The following AGBL5 variants were observed in gnomAD, a reference collection of about 807,000 sequenced individuals.
AGBL5 encodes AGBL carboxypeptidase 5.
In AGBL5, 51 loss-of-function variants were observed where a neutral mutation model predicts 88.0. The ratio of observed to expected loss-of-function variants is 0.58; its 90% CI spans 0.46 to 0.73. AGBL5 has a LOEUF of 0.73. Among genes scored for constraint, AGBL5 ranks in the 30% least tolerant of loss-of-function variants. The pLI is 0.00. For synonymous variants in AGBL5, 446 were observed against 438.8 expected, an observed-to-expected ratio of 1.02 and a Z score of -0.21; for missense variants, 1,031 against 1,162.2, an observed-to-expected ratio of 0.89 and a Z score of 1.64.
rs1364053279 is a variant in AGBL5, at chr2:27,056,699, A to G, written c.1442A>G (p.Glu481Gly). The G allele has an allele frequency of 6.2e-7, 1 of 1,613,850 alleles. No individual in the cohort carries two copies. Among genetic ancestry groups the G allele is most frequent in the East Asian group, 2.2e-5 (1 of 44,870 alleles). ...HFDFQGCNFS[E>G]KNMYARDRRD... ...GACTTCCAGGGCTGCAATTTCTCAG[A>G]GAAGAATATGTATGCCCGAGACCGT... The change falls in exon 8 of 15, where the codon GAG becomes GGG. Residue 481 changes from glutamate to glycine, a missense_variant. Physicochemically the swap from Glu to Gly is moderately conservative, Grantham distance 98. This residue lies in a region of AGBL5 where 540 missense variants were observed against 678.2 expected (regional missense o/e 0.80). Transcript: ENST00000360131.
At chr2:27,056,833 C>T (rs1394003129) in intron 8 of AGBL5, 41 bp downstream of exon 8, 12 of 1,557,354 alleles carry the variant, frequency 7.7e-6, no homozygotes, top group East Asian at 2.3e-5. Flanking sequence ...AATAGCTTCC[C>T]TAAAGAAAAC....
chr2:27,065,212 C>A (rs556249240), intron 11 of AGBL5, among the ~76,000 whole-genome samples: 1 of 152,168 alleles, frequency 6.6e-6, no homozygotes, highest in Non-Finnish European at 1.5e-5. Flanking sequence ...GAATTCAGTT[C>A]TATGAAAAGT....
rs769117230 is a variant in AGBL5, at chr2:27,058,390, T to C, written c.1672-10T>C. Reference sequence around the variant, plus strand: ...ACCAGCATGCTGAGCCAAACTGGACTACCCCACAGGTGGGACGAGCTATGG... The same window carrying C: ...ACCAGCATGCTGAGCCAAACTGGACCACCCCACAGGTGGGACGAGCTATGG... On this transcript the variant is annotated splice_polypyrimidine_tract_variant and intron_variant, in intron 9 of 14. Coordinates refer to ENST00000360131, the MANE Select transcript of AGBL5 (RefSeq NM_021831.6). 4 of 1,612,454 alleles carry C rather than the reference T, an allele frequency of 2.5e-6. No homozygotes were observed. The highest frequency in any genetic ancestry group is 1.1e-5 in the South Asian group (1 of 90,998).
chr2:27,059,551 A>G (rs936299141), intron 11 of AGBL5, 147 bp downstream of exon 11: 31 of 1,509,726 alleles, frequency 2.1e-5, no homozygotes, highest in Non-Finnish European at 2.6e-5. Context: ...GGCCTCTCCT[A>G]CGACCTTGGT....
In AGBL5 at chr2:27,056,265, C is replaced by T. The variant is rs1403486780; in HGVS notation, c.1365+127C>T. 10 of 1,004,836 alleles carry T rather than the reference C, an allele frequency of 1.0e-5. No individual in the cohort carries two copies. In the Admixed American group the frequency reaches 2.4e-4, roughly 24 times the overall value. The allele number at this position is 1,004,836 out of a possible 1,614,324, so 62.2% of individuals were successfully genotyped here. A position where few individuals can be genotyped will look rare whatever the true frequency, so the allele number is the denominator to read the frequency against. Reference sequence around the variant, plus strand: ...GAAGGAAGGCCTGTGTAGACTACCTCTGAAAAAGCTTTGAAGGGCCAAGAA... The same window carrying T: ...GAAGGAAGGCCTGTGTAGACTACCTTTGAAAAAGCTTTGAAGGGCCAAGAA... On this transcript the variant is annotated intron_variant, in intron 7 of 14. Coordinates refer to ENST00000360131, the MANE Select transcript of AGBL5 (RefSeq NM_021831.6).
chr2:27,064,301 T>TC (rs1421914104), intron 11 of AGBL5, among the ~76,000 whole-genome samples: 4 of 145,958 alleles, frequency 2.7e-5, no homozygotes, highest in Non-Finnish European at 6.1e-5. Context: ...GTTTTTGACT[T>TC]TTTTTTTTTT....
At chr2:27,061,088 A>T (rs1280556782) in intron 11 of AGBL5, 1 of 152,032 alleles carries the variant, frequency 6.6e-6, no homozygotes, top group East Asian at 1.9e-4. Context: ...TTTGAGACAG[A>T]GTTTCACTCT....
chr2:27,058,072 C>T (rs971769880), intron 9 of AGBL5, among the ~76,000 whole-genome samples: 21 of 149,572 alleles, frequency 1.4e-4, no homozygotes, highest in African/African-American at 4.7e-4. Flanking sequence ...ATCAAGATGC[C>T]GTCTCAAAAA....
chr2:27,056,308 T>C (rs1258397561), intron 7 of AGBL5, 170 bp downstream of exon 7: 1 of 670,614 alleles, frequency 1.5e-6, no homozygotes, highest in Non-Finnish European at 2.5e-6. Context: ...CACAGGGGGA[T>C]AATGTCTCAA....
At chr2:27,052,234 G>C (rs1668194480) in intron 1 of AGBL5, 1 of 152,536 alleles carries the variant, frequency 6.6e-6, no homozygotes, top group South Asian at 2.1e-4. Context: ...GATGGAAACA[G>C]ACCCATGCCC....
chr2:27,052,173 A>G (rs1668188587), intron 1 of AGBL5: 1 of 152,176 alleles, frequency 6.6e-6, no homozygotes, highest in African/African-American at 2.4e-5. Flanking sequence ...TTACTCATCC[A>G]CAGCTACTAG....
rs1223937298 is a variant in AGBL5 at position 27,070,586 on chromosome 2, A to G, written c.*323A>G. 1 of 262,632 alleles carries G rather than the reference A, an allele frequency of 3.8e-6. No individual in the cohort carries two copies. The highest frequency in any genetic ancestry group is 7.3e-6 in the Non-Finnish European group (1 of 137,172). 16.3% of individuals were successfully genotyped at this position (262,632 alleles called of 1,614,324 possible). ...GCTTCTTGTTCCATAGGATTAAGGA[A>G]GACTCTGAGGAAATAAAAGTTGTTT... On this transcript the variant is annotated 3_prime_UTR_variant, in exon 15 of 15. Coordinates refer to ENST00000360131, the MANE Select transcript of AGBL5 (RefSeq NM_021831.6).
intron 9 of AGBL5, 36 bp from the exon 10 acceptor site, chr2:27,058,364 G>C (rs1332032488): frequency 6.2e-7 from 1 of 1,610,924 alleles, no homozygotes; most frequent in Non-Finnish European, 8.5e-7. Context: ...TGGATGGGAG[G>C]ACCAGCATGC....
At position 27,070,150 on chromosome 2, in the gene AGBL5, TG is replaced by T. The variant is rs1464562853; in HGVS notation, c.2549del (p.Cys850LeufsTer31). The T allele has an allele frequency of 6.2e-7, 1 of 1,614,218 alleles. No individual in the cohort carries two copies. Among genetic ancestry groups the T allele is most frequent in the African/African-American group, 1.3e-5 (1 of 75,056 alleles). ...RSAPAFSPISCSLSDSPSWNC... is the reference protein window; with the variant it reads ...RSAPAFSPISXSLSDSPSWNC... ...TGCCCCTGCCTTTTCTCCTATATCCTGTAGTCTATCTGACTCCCCATCCTGG... is the reference window on the plus strand; with the variant it reads ...TGCCCCTGCCTTTTCTCCTATATCCTTAGTCTATCTGACTCCCCATCCTGG... On this transcript the variant is annotated frameshift_variant, in exon 15 of 15. Coordinates refer to ENST00000360131, the MANE Select transcript of AGBL5 (RefSeq NM_021831.6). LOFTEE classifies it high-confidence loss of function.
Position 27,055,181 on chromosome 2 carries a change from C to A in AGBL5, c.836C>A (p.Thr279Asn), listed in dbSNP as rs1572815553. ...CGACCTGATGATCCCCGGGCCCAAA[C>A]CCTCCGTCGCCTCTTCGTCTTTAAG... ...ILRPDDPRAQ[T>N]LRRLFVFKLI... The change falls in exon 6 of 15, where the codon ACC becomes AAC. Residue 279 changes from threonine (T) to asparagine (N), a missense_variant. Transcript: ENST00000360131. The A allele has an allele frequency of 6.2e-7, 1 of 1,614,222 alleles. No homozygotes were observed. Among genetic ancestry groups the A allele is most frequent in the East Asian group, 2.2e-5 (1 of 44,888 alleles).
chr2:27,054,717 CCATGGGCTT>C lies in AGBL5; in HGVS notation c.641_649del (p.His214_Leu216del). 2.0e-6 allele frequency: 3 copies of C among 1,537,634 alleles called. No homozygotes were observed. The highest frequency in any genetic ancestry group is 2.6e-6 in the Non-Finnish European group (3 of 1,140,314). Reference sequence around the variant, plus strand: ...TAGATCTGCTGACGATCACTTCCTGCCATGGGCTTCGAGAAGATCGAGAGCCCCGTCTAG... The same window carrying C: ...TAGATCTGCTGACGATCACTTCCTGCCGAGAAGATCGAGAGCCCCGTCTAG... On this transcript the variant is annotated inframe_deletion, in exon 5 of 15. Coordinates refer to ENST00000360131, the MANE Select transcript of AGBL5 (RefSeq NM_021831.6).
intron 9 of AGBL5, 98 bp downstream of exon 9, chr2:27,057,536 T>A: frequency 7.4e-7 from 1 of 1,357,060 alleles, no homozygotes; most frequent in Non-Finnish European, 1.0e-6. Flanking sequence ...TGAAGAGATA[T>A]TCATCACTAT....
Position 27,059,376 on chromosome 2 carries a change from C to T in AGBL5, c.2061C>T (p.Val687=). The T allele has an allele frequency of 6.2e-7, 1 of 1,614,236 alleles. No homozygotes were observed. Among genetic ancestry groups the T allele is most frequent in the Non-Finnish European group, 8.5e-7 (1 of 1,180,046 alleles). The change falls in exon 11 of 15, where the codon GTC becomes GTT. Residue 687 remains valine (V), a synonymous_variant. Coordinates refer to ENST00000360131, the MANE Select transcript of AGBL5 (RefSeq NM_021831.6). ...LPGLGSSTQK[V]THRVLGPVRE... ...GCCTGGGCTCTAGTACCCAAAAGGT[C>T]ACCCACCGGGTGCTGGGCCCCGTCA...
chr2:27,054,254 C>A, intron 4 of AGBL5, 195 bp downstream of exon 4: 1 of 626,454 alleles, frequency 1.6e-6, no homozygotes, highest in East Asian at 3.0e-5. Flanking sequence ...TCGACACCTG[C>A]CCTCCACTCT....
Sources: allele counts gnomAD v4.1 joint callset (sites outside exome capture counted in the v4.1 genomes callset), GRCh38; gene constraint gnomAD v4.1.1; regional missense constraint gnomAD v4.1.1; transcripts MANE v1.5; gene names NCBI Gene and HGNC (gene_info 2026-07-23, HGNC 2026-07-21).